The following ENTREP2 variants were observed in gnomAD, a reference collection of about 807,000 sequenced individuals.
The protein encoded by ENTREP2 is endosomal transmembrane epsin interactor 2.
the ENTREP2 span, among the ~76,000 whole-genome samples, chr15:29,472,464 CACACACACAT>C: frequency 0.016 from 2,087 of 129,078 alleles, 19 homozygotes; most frequent in African/African-American, 0.04. Context: ...CACACACACA[CACACACACAT>C]ATAAATTTGA....
the ENTREP2 span, among the ~76,000 whole-genome samples, chr15:29,264,460 A>C: frequency 6.6e-6 from 1 of 152,226 alleles, no homozygotes; most frequent in African/African-American, 2.4e-5. Flanking sequence ...CAAAGTGATC[A>C]AGGTTTCAAA....
chr15:29,346,995 G>A, the ENTREP2 span, among the ~76,000 whole-genome samples: 2 of 152,108 alleles, frequency 1.3e-5, no homozygotes, highest in African/African-American at 2.4e-5. Context: ...CTTCCAATGC[G>A]ATCTGTAACT....
At chr15:29,643,697 T>C in the ENTREP2 span, among the ~76,000 whole-genome samples, 2 of 146,942 alleles carry the variant, frequency 1.4e-5, no homozygotes, top group South Asian at 2.1e-4. Context: ...AGGAGAATGA[T>C]GGGAACCTGG....
At chr15:29,565,996 C>T in the ENTREP2 span, among the ~76,000 whole-genome samples, 41 of 151,490 alleles carry the variant, frequency 2.7e-4, no homozygotes, top group African/African-American at 9.7e-4. Flanking sequence ...ATTTTCCATA[C>T]ATATATATAC....
chr15:29,378,714 C>G, the ENTREP2 span, among the ~76,000 whole-genome samples: 1 of 152,112 alleles, frequency 6.6e-6, no homozygotes, highest in South Asian at 2.1e-4. Flanking sequence ...TGAGCCAATT[C>G]TTTAAAATAA....
the ENTREP2 span, among the ~76,000 whole-genome samples, chr15:29,667,786 A>G: frequency 6.6e-6 from 1 of 152,126 alleles, no homozygotes; most frequent in South Asian, 2.1e-4. Context: ...GGGATCCACT[A>G]TGCCCGGCTG....
chr15:29,666,833 G>C, the ENTREP2 span, among the ~76,000 whole-genome samples: 4 of 152,212 alleles, frequency 2.6e-5, no homozygotes, highest in South Asian at 6.2e-4. Context: ...CAGTTCCAGA[G>C]CCAGAAATCC....
chr15:29,526,889 C>T, the ENTREP2 span, among the ~76,000 whole-genome samples: 1 of 152,116 alleles, frequency 6.6e-6, no homozygotes, highest in East Asian at 1.9e-4. Context: ...CCCATCTGGC[C>T]TCCTCACTGA....
the ENTREP2 span, among the ~76,000 whole-genome samples, chr15:29,574,312 A>G: frequency 7.4e-6 from 1 of 135,928 alleles, no homozygotes; most frequent in South Asian, 2.6e-4. Context: ...TTGTTTTTTT[A>G]AAGACAGAGT....
the ENTREP2 span, among the ~76,000 whole-genome samples, chr15:29,165,265 C>CT: frequency 6.6e-6 from 1 of 151,890 alleles, no homozygotes; most frequent in Non-Finnish European, 1.5e-5. Flanking sequence ...CCTCAAGGAA[C>CT]TAGAGAAACA....
chr15:29,423,464 A>C, the ENTREP2 span, among the ~76,000 whole-genome samples: 1 of 152,162 alleles, frequency 6.6e-6, no homozygotes, highest in Non-Finnish European at 1.5e-5. Context: ...GCAATGTTTA[A>C]ATGTATTCAT....
chr15:29,490,979 C>A, the ENTREP2 span, among the ~76,000 whole-genome samples: 6 of 152,332 alleles, frequency 3.9e-5, no homozygotes, highest in East Asian at 1.2e-3. Context: ...GAGCCCACTG[C>A]AGGGGGCAGC....
chr15:29,642,535 T>C, the ENTREP2 span, among the ~76,000 whole-genome samples: 1 of 147,882 alleles, frequency 6.8e-6, no homozygotes, highest in Non-Finnish European at 1.5e-5. Context: ...CACATATATA[T>C]CATATGTACA....
chr15:29,545,560 AT>A, the ENTREP2 span, among the ~76,000 whole-genome samples: 2 of 152,172 alleles, frequency 1.3e-5, no homozygotes, highest in Non-Finnish European at 2.9e-5. Context: ...TTATTATAGT[AT>A]TTCTTTTTTC....
At chr15:29,575,406 A>G in the ENTREP2 span, among the ~76,000 whole-genome samples, 1 of 152,208 alleles carries the variant, frequency 6.6e-6, no homozygotes, top group Non-Finnish European at 1.5e-5. Context: ...CATCATAATC[A>G]ATGGTGAGAG....
At chr15:29,250,287 G>T in the ENTREP2 span, among the ~76,000 whole-genome samples, 1 of 152,152 alleles carries the variant, frequency 6.6e-6, no homozygotes, top group Admixed American at 6.5e-5. Context: ...CTGGTTTGTA[G>T]CTCTGAGATT....
At chr15:29,184,188 T>C in the ENTREP2 span, among the ~76,000 whole-genome samples, 1 of 152,342 alleles carries the variant, frequency 6.6e-6, no homozygotes, top group East Asian at 1.9e-4. Context: ...TTTTGCCATA[T>C]TGGCCAGGCT....
the ENTREP2 span, among the ~76,000 whole-genome samples, chr15:29,180,301 C>T: frequency 6.6e-6 from 1 of 152,200 alleles, no homozygotes; most frequent in African/African-American, 2.4e-5. Flanking sequence ...TCTCAACTAA[C>T]ACCAAAGACT....
chr15:29,328,497 A>G, the ENTREP2 span, among the ~76,000 whole-genome samples: 1 of 152,204 alleles, frequency 6.6e-6, no homozygotes, highest in East Asian at 1.9e-4. Flanking sequence ...CAATCTACGA[A>G]ACAACCTCAC....
Sources: gnomAD v4.1 joint callset for allele counts (sites outside exome capture counted in the v4.1 genomes callset) on GRCh38, gnomAD v4.1.1 for gene constraint, MANE v1.5 for transcripts, NCBI Gene and HGNC (gene_info 2026-07-23, HGNC 2026-07-21) for gene names.